ATG5: variants seen among roughly 807,000 people sequenced by gnomAD.
The protein encoded by ATG5 is autophagy protein 5.
A neutral mutation model predicts 36.5 loss-of-function variants in ATG5; 14 were observed. The observed-to-expected ratio is 0.38, with a 90% CI of 0.25 to 0.60. ATG5 has a LOEUF of 0.60. ATG5 is among the 20% of genes least tolerant of loss of function. The probability of loss-of-function intolerance (pLI) is 0.60; values close to 1 mark genes in which losing one functional copy is unlikely to be tolerated. For synonymous variants in ATG5, 95 were observed against 101.5 expected, an observed-to-expected ratio of 0.94 and a Z score of 0.38; for missense variants, 195 against 326.7, an observed-to-expected ratio of 0.60 and a Z score of 3.11.
chr6:106,286,528 A>C (rs1780084945), intron 4 of ATG5, among the ~76,000 whole-genome samples: 1 of 152,146 alleles, frequency 6.6e-6, no homozygotes, highest in Non-Finnish European at 1.5e-5. Context: ...ATGACCCTCC[A>C]TGATTTCCAC....
chr6:106,241,408 G>A (rs1215688959), intron 6 of ATG5, among the ~76,000 whole-genome samples: 1 of 152,138 alleles, frequency 6.6e-6, no homozygotes, highest in Non-Finnish European at 1.5e-5. Context: ...ATGTAAAGTG[G>A]TACAGCTACT....
intron 3 of ATG5, among the ~76,000 whole-genome samples, chr6:106,304,598 C>T: frequency 6.6e-6 from 1 of 152,072 alleles, no homozygotes; most frequent in Non-Finnish European, 1.5e-5. Context: ...TACATGAGCC[C>T]ATTTATATGG....
chr6:106,297,114 T>C (rs1029141102), intron 3 of ATG5, among the ~76,000 whole-genome samples: 1 of 152,146 alleles, frequency 6.6e-6, no homozygotes, highest in Non-Finnish European at 1.5e-5. Flanking sequence ...GAACAATATA[T>C]TTCTAAAGAC....
chr6:106,245,893 G>GT (rs1778312753), intron 6 of ATG5, among the ~76,000 whole-genome samples: 1 of 152,034 alleles, frequency 6.6e-6, no homozygotes, highest in Non-Finnish European at 1.5e-5. Flanking sequence ...ATATAAAGAA[G>GT]TCAGCAACAG....
intron 6 of ATG5, among the ~76,000 whole-genome samples, chr6:106,236,669 G>A (rs1777916840): frequency 6.6e-6 from 1 of 152,100 alleles, no homozygotes; most frequent in Admixed American, 6.6e-5. Flanking sequence ...TGTAACTAAA[G>A]GTGCTTTCCT....
At chr6:106,265,174 A>C (rs954155492) in intron 5 of ATG5, among the ~76,000 whole-genome samples, 1 of 151,046 alleles carries the variant, frequency 6.6e-6, no homozygotes, top group Admixed American at 6.6e-5. Context: ...AAAGCAAAAA[A>C]AAAAAAAAAA....
chr6:106,203,954 A>G (rs1776531524), intron 6 of ATG5, among the ~76,000 whole-genome samples: 1 of 152,212 alleles, frequency 6.6e-6, no homozygotes, highest in African/African-American at 2.4e-5. Flanking sequence ...GGAAACTATC[A>G]TTCTCAGCAA....
intron 6 of ATG5, among the ~76,000 whole-genome samples, chr6:106,231,912 T>C (rs558887058): frequency 6.6e-6 from 1 of 152,284 alleles, no homozygotes; most frequent in Non-Finnish European, 1.5e-5. Context: ...AGGGAAAAGC[T>C]AGGCAAATCA....
Position 106,268,894 on chromosome 6 carries a change from G to A in ATG5, c.478+10767C>T, listed in dbSNP as rs1330899353. On this transcript the variant is annotated intron_variant, in intron 5 of 7. Transcript: ENST00000369076. ...GGGCCTGTCGGTGGGTTGGGGGCAA[G>A]CAGAGGGGGAACATTAGGACAAATA... 2.0e-5 allele frequency among the ~76,000 whole-genome samples: 3 copies of A among 151,888 alleles called. No individual in the cohort carries two copies. The East Asian group carries it at 5.8e-4, about 29-fold the overall frequency.
chr6:106,308,642 C>T, intron 2 of ATG5, 151 bp from the exon 3 acceptor site: 1 of 618,226 alleles, frequency 1.6e-6, no homozygotes. Flanking sequence ...TATAGAAGAT[C>T]AAAGGTTAAA....
chr6:106,314,374 T>G (rs1302347468), intron 2 of ATG5, among the ~76,000 whole-genome samples: 3 of 152,012 alleles, frequency 2.0e-5, no homozygotes, highest in Non-Finnish European at 4.4e-5. Context: ...CTGGCCAACA[T>G]AGCGAAACCC....
intron 1 of ATG5, among the ~76,000 whole-genome samples, chr6:106,323,442 T>C (rs192763180): frequency 2.0e-5 from 3 of 151,340 alleles, no homozygotes; most frequent in East Asian, 4.2e-4. Flanking sequence ...GCCCAGCTAA[T>C]TTTTTATTTT....
At chr6:106,195,805 C>T (rs1776154739) in intron 7 of ATG5, among the ~76,000 whole-genome samples, 1 of 123,416 alleles carries the variant, frequency 8.1e-6, no homozygotes, top group African/African-American at 3.2e-5. Flanking sequence ...CACTGCTCCC[C>T]TCTAAAAAAA....
chr6:106,254,576 G>A (rs1156422546), intron 5 of ATG5, among the ~76,000 whole-genome samples: 1 of 152,196 alleles, frequency 6.6e-6, no homozygotes, highest in Non-Finnish European at 1.5e-5. Flanking sequence ...ACAGTCTGGA[G>A]CCACACTGCC....
intron 6 of ATG5, among the ~76,000 whole-genome samples, chr6:106,205,117 G>A (rs778910936): frequency 2.0e-5 from 3 of 152,222 alleles, no homozygotes; most frequent in South Asian, 2.1e-4. Flanking sequence ...TTTTTCTGAC[G>A]ACTAATGGAA....
chr6:106,324,749 C>G (rs1436512810), intron 1 of ATG5, among the ~76,000 whole-genome samples: 1 of 152,158 alleles, frequency 6.6e-6, no homozygotes, highest in Non-Finnish European at 1.5e-5. Context: ...TGTAAAATAC[C>G]TCTCAATTAC....
chr6:106,278,209 C>T (rs1779737183), intron 5 of ATG5, among the ~76,000 whole-genome samples: 1 of 152,116 alleles, frequency 6.6e-6, no homozygotes, highest in Non-Finnish European at 1.5e-5. Context: ...CTAAAGAATG[C>T]TGGGATTACA....
At chr6:106,263,568 C>T (rs752216147) in intron 5 of ATG5, among the ~76,000 whole-genome samples, 1 of 152,198 alleles carries the variant, frequency 6.6e-6, no homozygotes, top group Non-Finnish European at 1.5e-5. Context: ...TGGGAGAGAC[C>T]TCCCAACAGG....
At chr6:106,240,808 C>T (rs140349211) in intron 6 of ATG5, among the ~76,000 whole-genome samples, 2 of 152,118 alleles carry the variant, frequency 1.3e-5, no homozygotes, top group African/African-American at 4.8e-5. Flanking sequence ...ATAGTGAATA[C>T]TGAACAAATT....
Sources: allele counts gnomAD v4.1 joint callset (sites outside exome capture counted in the v4.1 genomes callset), GRCh38; gene constraint gnomAD v4.1.1; transcripts MANE v1.5; gene names NCBI Gene and HGNC (gene_info 2026-07-23, HGNC 2026-07-21).